Variants in SPG11 observed in about 807,000 individuals in gnomAD.
The protein encoded by SPG11 is spatacsin.
A neutral mutation model predicts 274.0 loss-of-function variants in SPG11; 222 were observed. The ratio of observed to expected loss-of-function variants is 0.81; its 90% CI spans 0.73 to 0.91. The LOEUF is 0.91. SPG11 is among the 40% of genes least tolerant of loss of function. SPG11 has a pLI of 0.00. For missense variants in SPG11, 3,114 were observed against 2,872.7 expected, an observed-to-expected ratio of 1.08 and a Z score of -1.92; for synonymous variants, 1,144 against 1,039.7, an observed-to-expected ratio of 1.10 and a Z score of -1.93.
chr15:44,612,388 CT>C (rs1244474835), intron 17 of SPG11, among the ~76,000 whole-genome samples: 3 of 152,026 alleles, frequency 2.0e-5, no homozygotes, highest in Non-Finnish European at 4.4e-5. Context: ...GGCTATCTAC[CT>C]ATGGAGGTAT....
At chr15:44,660,710 GT>G in intron 1 of SPG11, 94 bp from the exon 2 acceptor site, 1 of 1,174,328 alleles carries the variant, frequency 8.5e-7, no homozygotes, top group South Asian at 1.3e-5. Flanking sequence ...GTAGAGAACA[GT>G]TTAGTTGACC....
At chr15:44,613,237 T>G (rs1422080700) in intron 17 of SPG11, among the ~76,000 whole-genome samples, 193 bp downstream of exon 17, 1 of 152,196 alleles carries the variant, frequency 6.6e-6, no homozygotes, top group Non-Finnish European at 1.5e-5. Flanking sequence ...AGGTCTAGCT[T>G]TTCTTGGCTG....
Position 44,620,281 on chromosome 15 carries a change from T to G in SPG11, c.2743A>C (p.Asn915His). ...TCAACAGTCAGAAGGGGCCATTTGT[T>G]CTGCTGAAGTGAAGCATAACTATGC... ...TQHSYASLQQ[N>H]KWPLLTVDVI... The change falls in exon 15 of 40, where the codon AAC (asparagine) becomes CAC (histidine). Residue 915 changes from asparagine (N) to histidine (H), a missense_variant. Asn to His is a moderately conservative substitution (Grantham distance 68). Coordinates refer to ENST00000261866, the MANE Select transcript of SPG11 (RefSeq NM_025137.4). 1 of 1,614,106 alleles carries G rather than the reference T, an allele frequency of 6.2e-7. No homozygotes were observed.
At chr15:44,571,362 T>A (rs762400099) in intron 33 of SPG11, among the ~76,000 whole-genome samples, 1 of 152,316 alleles carries the variant, frequency 6.6e-6, no homozygotes. Context: ...AAGACCCTAG[T>A]CTGAGCTCCA....
chr15:44,615,521 G>A lies in SPG11; in HGVS notation c.2880C>T (p.Phe960=). ...CTCCAATACGGCTCAGTCTTAGGAG[G>A]AAGCATTCAAAGTCTTCCAGTTCAG... is the stretch of plus-strand genomic sequence containing the variant. The part of the protein sequence containing the change: ...LASELEDFEC[F]LLRLSRIGGV... The change falls in exon 16 of 40, where the codon TTC becomes TTT. Residue 960 remains phenylalanine (F), a synonymous_variant. Coordinates refer to ENST00000261866, the MANE Select transcript of SPG11 (RefSeq NM_025137.4). The A allele has an allele frequency of 6.2e-7, 1 of 1,614,090 alleles. No individual in the cohort carries two copies. The highest frequency in any genetic ancestry group is 8.5e-7 in the Non-Finnish European group (1 of 1,180,006).
chr15:44,565,793 G>A, intron 38 of SPG11, 61 bp downstream of exon 38: 1 of 1,602,842 alleles, frequency 6.2e-7, no homozygotes, highest in Middle Eastern at 1.7e-4. Context: ...TGGGTTCCAT[G>A]AGTGGGACAG....
At chr15:44,661,470 G>C (rs2085104280) in intron 1 of SPG11, among the ~76,000 whole-genome samples, 1 of 152,016 alleles carries the variant, frequency 6.6e-6, no homozygotes, top group Non-Finnish European at 1.5e-5. Flanking sequence ...TTCTAGAGTA[G>C]TATATAAAAC....
intron 33 of SPG11, among the ~76,000 whole-genome samples, chr15:44,572,046 G>A (rs114398991): frequency 0.019 from 2,956 of 152,256 alleles, 107 homozygotes; most frequent in African/African-American, 0.068. Context: ...CTCTGCCCTC[G>A]GCCTCTCAAA....
chr15:44,654,555 T>A lies in SPG11; in HGVS notation c.870-2289A>T, dbSNP rs192317565. Among the ~76,000 whole-genome samples, 29 of 152,146 alleles carry A rather than the reference T, an allele frequency of 1.9e-4. No individual in the cohort carries two copies. The East Asian group carries it at 5.4e-3, about 28-fold the overall frequency. On this transcript the variant is annotated intron_variant, in intron 4 of 39. Coordinates refer to ENST00000261866, the MANE Select transcript of SPG11 (RefSeq NM_025137.4). ...ACAAACTTATTATAAAAAGTTAAGA[T>A]TGGCTGGGCGCGGTGGCTCACGCCT...
intron 29 of SPG11, 113 bp from the exon 30 acceptor site, chr15:44,584,671 C>G (rs974751246): frequency 9.4e-5 from 122 of 1,303,122 alleles, no homozygotes; most frequent in Non-Finnish European, 1.2e-4. Context: ...GTCTGTCACC[C>G]AGGCTGGAGA....
At chr15:44,657,530 G>A (rs2084976977) in intron 3 of SPG11, among the ~76,000 whole-genome samples, 1 of 152,146 alleles carries the variant, frequency 6.6e-6, no homozygotes, top group Non-Finnish European at 1.5e-5. Context: ...TCTGCTCTGG[G>A]CCAGGCCCAG....
intron 21 of SPG11, among the ~76,000 whole-genome samples, chr15:44,599,518 T>C (rs559753458): frequency 4.5e-4 from 68 of 152,230 alleles, no homozygotes; most frequent in African/African-American, 1.6e-3. Flanking sequence ...CAGGCTGGTC[T>C]CAAACTCCTG....
intron 12 of SPG11, 97 bp from the exon 13 acceptor site, chr15:44,622,444 T>TA (rs1208442567): frequency 9.8e-7 from 1 of 1,018,322 alleles, no homozygotes; most frequent in South Asian, 1.5e-5. Context: ...TGCTGGGAAT[T>TA]AAAGATTATT....
chr15:44,643,584 T>A (rs763919718), intron 7 of SPG11, among the ~76,000 whole-genome samples: 2 of 152,104 alleles, frequency 1.3e-5, no homozygotes, highest in Admixed American at 1.3e-4. Context: ...ATAAAAGTCT[T>A]GTAAGAATAA....
In SPG11 at chr15:44,585,703, T is replaced by C; in HGVS notation, c.5054A>G (p.Gln1685Arg). ...TGCTACCCTCCTGGCCAAAGCGAAT[T>C]GTCCATCTGTCTGCAGTCTTTCCAA... Reference protein sequence around the residue: ...SILERLQTDGQFALARRVAEL... With the variant: ...SILERLQTDGRFALARRVAEL... The change falls in exon 29 of 40, where the codon CAA (glutamine) becomes CGA (arginine). Residue 1685 changes from glutamine (Q) to arginine (R), a missense_variant. By Grantham distance (43) the Gln-to-Arg change is conservative. Transcript: ENST00000261866. The C allele has an allele frequency of 6.2e-7, 1 of 1,613,894 alleles. No homozygotes were observed. Among genetic ancestry groups the C allele is most frequent in the Non-Finnish European group, 8.5e-7 (1 of 1,179,980 alleles).
chr15:44,575,887 A>G (rs551270943), intron 30 of SPG11, among the ~76,000 whole-genome samples: 1 of 152,278 alleles, frequency 6.6e-6, no homozygotes, highest in South Asian at 2.1e-4. Context: ...TCACGCCTAT[A>G]ATCCCAGCAC....
intron 7 of SPG11, among the ~76,000 whole-genome samples, chr15:44,638,359 C>G (rs1014055243): frequency 1.3e-5 from 2 of 152,082 alleles, no homozygotes; most frequent in African/African-American, 4.8e-5. Flanking sequence ...ACTCAAGAGG[C>G]TGGGGCACAA....
intron 6 of SPG11, among the ~76,000 whole-genome samples, chr15:44,649,894 C>CAA (rs79848684): frequency 2.5e-5 from 3 of 119,896 alleles, no homozygotes; most frequent in Admixed American, 8.6e-5. Flanking sequence ...GACTCCATAT[C>CAA]AAAAAAAAAA....
intron 35 of SPG11, 99 bp from the exon 36 acceptor site, chr15:44,567,691 C>T (rs555673500): frequency 7.8e-7 from 1 of 1,289,318 alleles, no homozygotes; most frequent in East Asian, 2.3e-5. Flanking sequence ...TAAAAACTCC[C>T]AAGAAGAAGA....
Sources: gnomAD v4.1 joint callset for allele counts (sites outside exome capture counted in the v4.1 genomes callset) on GRCh38, gnomAD v4.1.1 for gene constraint, MANE v1.5 for transcripts, NCBI Gene and HGNC (gene_info 2026-07-23, HGNC 2026-07-21) for gene names.